ZFHX3: variants seen among roughly 807,000 people sequenced by gnomAD.
The protein encoded by ZFHX3 is zinc finger homeobox protein 3.
ZFHX3 carries 42 observed loss-of-function variants against 279.1 expected under a neutral mutation model. That is an observed-to-expected ratio of 0.15 (90% CI 0.12 to 0.19). The LOEUF (loss-of-function observed/expected upper bound fraction) is 0.19. Among genes scored for constraint, ZFHX3 ranks in the 10% least tolerant of loss-of-function variants. The pLI is 1.00. For missense variants in ZFHX3, 4,981 were observed against 4,754.0 expected, an observed-to-expected ratio of 1.05 and a Z score of -1.40; for synonymous variants, 2,293 against 1,957.8, an observed-to-expected ratio of 1.17 and a Z score of -4.52.
intron 5 of ZFHX3, among the ~76,000 whole-genome samples, chr16:73,195,932 A>G (rs1267817458): frequency 6.6e-6 from 1 of 152,154 alleles, no homozygotes; most frequent in East Asian, 1.9e-4. Context: ...TGTAGCAACC[A>G]CTAGTTACCA....
chr16:73,163,879 T>C (rs1001040915), intron 5 of ZFHX3, among the ~76,000 whole-genome samples: 1 of 152,258 alleles, frequency 6.6e-6, no homozygotes, highest in African/African-American at 2.4e-5. Flanking sequence ...TGAAGCTGTA[T>C]GTTTAATAAT....
chr16:73,867,570 C>T (rs74030916), intron 1 of ZFHX3, among the ~76,000 whole-genome samples: 44 of 152,346 alleles, frequency 2.9e-4, no homozygotes, highest in African/African-American at 9.9e-4. Context: ...CTGACAATAA[C>T]AGGCTTACAG....
chr16:72,876,743 T>A (rs934359432), intron 4 of ZFHX3, among the ~76,000 whole-genome samples: 1 of 152,196 alleles, frequency 6.6e-6, no homozygotes, highest in Admixed American at 6.5e-5. Context: ...TTTCAATTTT[T>A]TTCCCCCCTA....
intron 4 of ZFHX3, among the ~76,000 whole-genome samples, chr16:73,313,248 G>A (rs4573956): frequency 0.62 from 93,771 of 152,076 alleles, 29,166 homozygotes; most frequent in East Asian, 0.66. Flanking sequence ...CATGCTTCCT[G>A]TGTAGCCTGT....
At chr16:73,119,090 T>A (rs1966464943) in intron 7 of ZFHX3, among the ~76,000 whole-genome samples, 1 of 137,706 alleles carries the variant, frequency 7.3e-6, no homozygotes. Flanking sequence ...AGAAACACTC[T>A]CTTTTTAAAA....
intron 2 of ZFHX3, among the ~76,000 whole-genome samples, chr16:73,528,476 A>G (rs546989453): frequency 6.6e-6 from 1 of 152,350 alleles, no homozygotes; most frequent in East Asian, 1.9e-4. Context: ...TGTATTCAAT[A>G]TGGTCTATGT....
At chr16:73,815,744 T>TAGTAGAG (rs1960551952) in intron 1 of ZFHX3, 2 of 152,156 alleles carry the variant, frequency 1.3e-5, no homozygotes, top group Admixed American at 6.6e-5. Flanking sequence ...TTTGTATTTT[T>TAGTAGAG]ACTAGAGACA....
intron 8 of ZFHX3, among the ~76,000 whole-genome samples, chr16:73,091,839 T>G (rs563467423): frequency 6.6e-6 from 1 of 152,332 alleles, no homozygotes; most frequent in African/African-American, 2.4e-5. Flanking sequence ...TTCGAGACGC[T>G]AGAATGTGAT....
chr16:73,874,114 C>A (rs886772137), intron 1 of ZFHX3, among the ~76,000 whole-genome samples: 2 of 152,072 alleles, frequency 1.3e-5, no homozygotes, highest in Non-Finnish European at 2.9e-5. Flanking sequence ...ATATTATAGG[C>A]ACATATGTAA....
rs376311468 is a variant in ZFHX3, at chr16:72,788,664, TTGCTGC to T, written c.9606_9611del (p.Gln3203_Gln3204del). The T allele has an allele frequency of 0.015, 23,702 of 1,611,704 alleles. 258 individuals carry two copies. The highest frequency in any genetic ancestry group is 0.034 in the South Asian group (3,089 of 90,894). The stretch of plus-strand genomic sequence containing the variant: ...GCGGGGGAGGCTGCTGCACCTGTGG[TTGCTGC>T]TGCTGCTGCTGCTGCTGGGGGGGTT... On this transcript the variant is annotated inframe_deletion, in exon 10 of 10. Coordinates refer to ENST00000268489, the MANE Select transcript of ZFHX3 (RefSeq NM_006885.4).
At chr16:73,534,034 T>G in intron 2 of ZFHX3, among the ~76,000 whole-genome samples, 1 of 152,160 alleles carries the variant, frequency 6.6e-6, no homozygotes, top group East Asian at 1.9e-4. Context: ...GAGATCATGT[T>G]ACTCCTCTGC....
At chr16:73,221,239 G>A (rs2012409228) in intron 5 of ZFHX3, among the ~76,000 whole-genome samples, 1 of 152,020 alleles carries the variant, frequency 6.6e-6, no homozygotes, top group Admixed American at 6.5e-5. Flanking sequence ...AATGGTATGT[G>A]TGCCCATCGT....
intron 4 of ZFHX3, among the ~76,000 whole-genome samples, chr16:72,855,912 T>G (rs1443319216): frequency 6.6e-6 from 1 of 152,132 alleles, no homozygotes; most frequent in Non-Finnish European, 1.5e-5. Context: ...TTCCCCGTGG[T>G]GGGAACTTAA....
chr16:73,351,273 G>A (rs548122447), intron 3 of ZFHX3, among the ~76,000 whole-genome samples: 5 of 152,164 alleles, frequency 3.3e-5, no homozygotes, highest in South Asian at 4.1e-4. Context: ...ACCCCAATCC[G>A]GGAGAGGTCA....
At chr16:72,791,941 A>G (rs779875761) in intron 9 of ZFHX3, among the ~76,000 whole-genome samples, 25 of 152,254 alleles carry the variant, frequency 1.6e-4, no homozygotes, top group Non-Finnish European at 3.1e-4. Context: ...GGGAAGCAGC[A>G]CAGCTGCTTT....
At chr16:73,336,303 T>A (rs1725750865) in intron 3 of ZFHX3, among the ~76,000 whole-genome samples, 1 of 152,178 alleles carries the variant, frequency 6.6e-6, no homozygotes, top group East Asian at 1.9e-4. Context: ...AAATGCTGTG[T>A]CACGGGGGTT....
At chr16:73,309,836 T>G (rs553875166) in intron 4 of ZFHX3, among the ~76,000 whole-genome samples, 2 of 151,554 alleles carry the variant, frequency 1.3e-5, no homozygotes, top group Admixed American at 1.3e-4. Context: ...AGGACAAAAA[T>G]AGCAGTTTAG....
At chr16:73,308,220 CATGCATATATATATAT>C (rs2015227360) in intron 4 of ZFHX3, among the ~76,000 whole-genome samples, 1 of 120,850 alleles carries the variant, frequency 8.3e-6, no homozygotes, top group African/African-American at 3.4e-5. Context: ...GAGCCATATG[CATGCATATATATATAT>C]ATATATATAT....
intron 4 of ZFHX3, among the ~76,000 whole-genome samples, chr16:73,283,344 G>A (rs2014505114): frequency 6.6e-6 from 1 of 152,182 alleles, no homozygotes; most frequent in Non-Finnish European, 1.5e-5. Context: ...CATCCCCAGG[G>A]ACACGTGTTG....
Sources: gnomAD v4.1 joint callset for allele counts (sites outside exome capture counted in the v4.1 genomes callset) on GRCh38, gnomAD v4.1.1 for gene constraint, MANE v1.5 for transcripts, NCBI Gene and HGNC (gene_info 2026-07-23, HGNC 2026-07-21) for gene names.